ALOXE3: variants seen among roughly 807,000 people sequenced by gnomAD.
ALOXE3 encodes the protein hydroperoxide isomerase ALOXE3.
ALOXE3 carries 78 observed loss-of-function variants against 87.5 expected under a neutral mutation model. That is an observed-to-expected ratio of 0.89 (90% CI 0.74 to 1.08). The LOEUF (loss-of-function observed/expected upper bound fraction) is 1.08, where lower values mean the gene tolerates loss of function less well. ALOXE3 is among the 50% of genes least tolerant of loss of function. The probability of loss-of-function intolerance (pLI) is 0.00; values close to 1 mark genes in which losing one functional copy is unlikely to be tolerated. For missense variants in ALOXE3, 946 were observed against 912.4 expected (o/e 1.04, Z -0.47); for synonymous variants, 363 against 370.8 (o/e 0.98, Z 0.24).
Position 8,105,616 on chromosome 17 carries a change from T to C in ALOXE3, c.1685-1401A>G, listed in dbSNP as rs1052617285. ...ATAAATACCAAGAGCCCGGTAATTA[T>C]TGGTTGAATGAAGGAATGCATGAGA... On this transcript the variant is annotated intron_variant, in intron 13 of 15. Transcript: ENST00000448843. 4.6e-5 allele frequency among the ~76,000 whole-genome samples: 7 copies of C among 152,182 alleles called. No homozygotes were observed. The East Asian group carries it at 1.2e-3, about 25-fold the overall frequency.
chr17:8,105,914 C>CAA (rs1164518718), intron 13 of ALOXE3, among the ~76,000 whole-genome samples: 446 of 42,862 alleles, frequency 0.01, 6 homozygotes, highest in East Asian at 0.019. Context: ...GACCCCGCCT[C>CAA]AAAAAAAAAA....
chr17:8,109,866 G>T, intron 11 of ALOXE3, 50 bp downstream of exon 11: 3 of 1,520,064 alleles, frequency 2.0e-6, no homozygotes, highest in Non-Finnish European at 2.7e-6. Flanking sequence ...GGGTAGCGGG[G>T]CAAAGCGTCT....
At chr17:8,110,997 G>A (rs1180030159) in intron 8 of ALOXE3, among the ~76,000 whole-genome samples, 17 of 152,164 alleles carry the variant, frequency 1.1e-4, no homozygotes, top group Admixed American at 1.1e-3. Flanking sequence ...GATCTTCCCT[G>A]ATGCATCTGG....
At chr17:8,115,819 C>T in intron 3 of ALOXE3, 131 bp from the exon 4 acceptor site, 1 of 847,790 alleles carries the variant, frequency 1.2e-6, no homozygotes, top group Non-Finnish European at 2.0e-6. Flanking sequence ...TGGCGGTGCC[C>T]CCACGTTCTT....
intron 4 of ALOXE3, 150 bp downstream of exon 4, chr17:8,115,457 G>T: frequency 1.3e-6 from 1 of 794,094 alleles, no homozygotes; most frequent in African/African-American, 1.7e-5. Context: ...CAGATTCAGG[G>T]TCACTATTAA....
chr17:8,117,178 C>T (rs1980676917), intron 2 of ALOXE3, among the ~76,000 whole-genome samples, 198 bp from the exon 3 acceptor site: 1 of 152,266 alleles, frequency 6.6e-6, no homozygotes, highest in African/African-American at 2.4e-5. Context: ...AATCCTAACA[C>T]TTTGGGAGGC....
chr17:8,101,044 T>C (rs938587461), intron 15 of ALOXE3, among the ~76,000 whole-genome samples: 35 of 120,496 alleles, frequency 2.9e-4, no homozygotes, highest in African/African-American at 9.8e-4. Context: ...TTTTTTTTTT[T>C]GAGATGGAAC....
intron 11 of ALOXE3, 71 bp from the exon 12 acceptor site, chr17:8,109,414 G>C (rs1045129416): frequency 2.5e-6 from 4 of 1,583,074 alleles, no homozygotes; most frequent in Non-Finnish European, 3.4e-6. Context: ...ACGAGATGGG[G>C]CTGGGGACTC....
rs115240103 is a variant in ALOXE3, at chr17:8,115,981, T to G, written c.353-293A>C. On this transcript the variant is annotated intron_variant, in intron 3 of 15. Coordinates refer to ENST00000448843, the MANE Select transcript of ALOXE3 (RefSeq NM_021628.3). ...TTCCTTTTTCTTCTTTTTCTTCTTCTGTATTCCCGGCTTCTAGCATGGTGC... is the reference window on the plus strand; with the variant it reads ...TTCCTTTTTCTTCTTTTTCTTCTTCGGTATTCCCGGCTTCTAGCATGGTGC... Among the ~76,000 whole-genome samples, 982 of 152,386 alleles carry G rather than the reference T, an allele frequency of 6.4e-3. 14 individuals are homozygous for G. The highest frequency in any genetic ancestry group is 0.022 in the African/African-American group (929 of 41,590).
chr17:8,096,569 G>C lies in ALOXE3; in HGVS notation c.*58C>G, dbSNP rs1978551343. On this transcript the variant is annotated 3_prime_UTR_variant, in exon 16 of 16. Coordinates refer to ENST00000448843, the MANE Select transcript of ALOXE3 (RefSeq NM_021628.3). ...GATGGAAGGGTCTGGAGGACCTGAG[G>C]AACTGGTCCTCCTCATGCTTGGACC... 1.2e-6 allele frequency: 1 copy of C among 848,574 alleles called. No individual in the cohort carries two copies. The highest frequency in any genetic ancestry group is 2.1e-6 in the Non-Finnish European group (1 of 480,774). The allele number at this position is 848,574 out of a possible 1,614,324, so 52.6% of individuals were successfully genotyped here.
intron 3 of ALOXE3, 33 bp downstream of exon 3, chr17:8,116,743 T>C: frequency 6.2e-7 from 1 of 1,606,238 alleles, no homozygotes; most frequent in Non-Finnish European, 8.5e-7. Flanking sequence ...GGACACCTTC[T>C]GCAGTACAGT....
intron 4 of ALOXE3, 73 bp from the exon 5 acceptor site, chr17:8,115,130 G>A: frequency 6.3e-7 from 1 of 1,588,248 alleles, no homozygotes; most frequent in African/African-American, 1.3e-5. Context: ...TAAAGACACG[G>A]CTTCAGATTA....
Position 8,110,505 on chromosome 17 carries a change from G to A in ALOXE3, c.981C>T (p.Asp327=). The change falls in exon 9 of 16, where the codon GAC becomes GAT. Residue 327 remains aspartate (D), a synonymous_variant. Transcript: ENST00000448843. ...ELERGNIFLA[D]YWILAEAPTH... Reference sequence around the variant, plus strand: ...TGGGGGCCTCCGCCAGGATCCAGTAGTCCGCTAGGAAGATGTTCCCCCTCT... The same window carrying A: ...TGGGGGCCTCCGCCAGGATCCAGTAATCCGCTAGGAAGATGTTCCCCCTCT... 6.2e-7 allele frequency: 1 copy of A among 1,613,970 alleles called. No homozygotes were observed. The highest frequency in any genetic ancestry group is 1.1e-5 in the South Asian group (1 of 91,082).
chr17:8,110,092 C>T lies in ALOXE3; in HGVS notation c.1305G>A (p.Lys435=). 8.7e-6 allele frequency: 14 copies of T among 1,612,194 alleles called. No homozygotes were observed. Among genetic ancestry groups the T allele is most frequent in the Non-Finnish European group, 1.1e-5 (13 of 1,179,184 alleles). Residue 435 remains lysine, a splice_region_variant and synonymous_variant, in exon 10 of 16, where the codon AAG becomes AAA. Coordinates refer to ENST00000448843, the MANE Select transcript of ALOXE3 (RefSeq NM_021628.3). ...TGGGCCCCCACCCGGGGTCGCGGAC[C>T]TTGTAGATGGGGTGGCAGAGCGGCA... ...RQLPLCHPIY[K]LLLPHTRYTL...
Position 8,096,546 on chromosome 17 carries a change from T to C in ALOXE3, c.*81A>G, listed in dbSNP as rs1034204005. 1 of 792,154 alleles carries C rather than the reference T, an allele frequency of 1.3e-6. No individual in the cohort carries two copies. Among genetic ancestry groups the C allele is most frequent in the South Asian group, 1.3e-5 (1 of 74,432 alleles). 49.1% of individuals were successfully genotyped at this position (792,154 alleles called of 1,614,324 possible). On this transcript the variant is annotated 3_prime_UTR_variant, in exon 16 of 16. Transcript: ENST00000448843. ...TCAGGTGAACTGAGAACAGGGAGGA[T>C]GGAAGGGTCTGGAGGACCTGAGGAA...
At chr17:8,100,453 C>T (rs2151829866) in intron 15 of ALOXE3, among the ~76,000 whole-genome samples, 1 of 152,330 alleles carries the variant, frequency 6.6e-6, no homozygotes, top group South Asian at 2.1e-4. Context: ...AGCCAGTACC[C>T]TCTGGACTGC....
At position 8,118,247 on chromosome 17, in the gene ALOXE3, A is replaced by T. The variant is rs1243350857; in HGVS notation, c.-257T>A. On this transcript the variant is annotated 5_prime_UTR_variant, in exon 2 of 16. Coordinates refer to ENST00000448843, the MANE Select transcript of ALOXE3 (RefSeq NM_021628.3). ...TCTAATACTTGTTTGCTTGCCTCTGACACAGCCGGTCCCTCTGGCTGGCTC... is the reference window on the plus strand; with the variant it reads ...TCTAATACTTGTTTGCTTGCCTCTGTCACAGCCGGTCCCTCTGGCTGGCTC... 1 of 1,551,572 alleles carries T rather than the reference A, an allele frequency of 6.4e-7. No individual in the cohort carries two copies. Among genetic ancestry groups the T allele is most frequent in the East Asian group, 2.4e-5 (1 of 40,902 alleles).
At position 8,096,278 on chromosome 17, in the gene ALOXE3, G is replaced by A; in HGVS notation, c.*349C>T. The A allele has an allele frequency of 4.0e-6, 1 of 250,386 alleles. No homozygotes were observed. Among genetic ancestry groups the A allele is most frequent in the South Asian group, 6.3e-5 (1 of 15,800 alleles). The allele number at this position is 250,386 out of a possible 1,614,324, so 15.5% of individuals were successfully genotyped here. Reference sequence around the variant, plus strand: ...GAGAAGGAGTTTGGGGATTGGGGAGGATGAGGGAGAAAAGCTCAGAAACCC... The same window carrying A: ...GAGAAGGAGTTTGGGGATTGGGGAGAATGAGGGAGAAAAGCTCAGAAACCC... On this transcript the variant is annotated 3_prime_UTR_variant, in exon 16 of 16. Transcript: ENST00000448843.
At chr17:8,109,431 A>G in intron 11 of ALOXE3, 88 bp from the exon 12 acceptor site, 4 of 1,543,958 alleles carry the variant, frequency 2.6e-6, no homozygotes, top group Non-Finnish European at 3.5e-6. Context: ...ACTCGGCCCA[A>G]GGAGGGCCTT....
Sources: allele counts gnomAD v4.1 joint callset (sites outside exome capture counted in the v4.1 genomes callset), GRCh38; gene constraint gnomAD v4.1.1; transcripts MANE v1.5; gene names NCBI Gene and HGNC (gene_info 2026-07-23, HGNC 2026-07-21).